The following CCSER2 variants were observed in gnomAD, a reference collection of about 807,000 sequenced individuals.
CCSER2 encodes coiled-coil serine rich protein 2.
A neutral mutation model predicts 92.3 loss-of-function variants in CCSER2; 46 were observed. The ratio of observed to expected loss-of-function variants is 0.50; its 90% CI spans 0.39 to 0.64. The LOEUF is 0.64. CCSER2 is among the 30% of genes least tolerant of loss of function. The probability of loss-of-function intolerance (pLI) is 0.00; values close to 1 mark genes in which losing one functional copy is unlikely to be tolerated. For missense variants in CCSER2, 1,244 were observed against 1,238.9 expected (o/e 1.00, Z -0.06); for synonymous variants, 433 against 431.4 (o/e 1.00, Z -0.04).
At chr10:84,437,987 G>A (rs997794968) in intron 5 of CCSER2, among the ~76,000 whole-genome samples, 2 of 151,806 alleles carry the variant, frequency 1.3e-5, no homozygotes, top group African/African-American at 4.8e-5. Context: ...AAAAGCTTAA[G>A]TAACCTTTAT....
At chr10:84,351,788 C>T (rs1174601913) in intron 1 of CCSER2, among the ~76,000 whole-genome samples, 1 of 152,188 alleles carries the variant, frequency 6.6e-6, no homozygotes. Flanking sequence ...TGCATTAAGA[C>T]TGTATTTCTT....
chr10:84,513,697 A>C lies in CCSER2; in HGVS notation c.2574A>C (p.Glu858Asp). The C allele has an allele frequency of 5.2e-6, 8 of 1,542,178 alleles. No homozygotes were observed. The highest frequency in any genetic ancestry group is 7.0e-6 in the Non-Finnish European group (8 of 1,148,558). The change falls in exon 10 of 10, where the codon GAA (glutamate) becomes GAC (aspartate). Residue 858 changes from glutamate to aspartate, a missense_variant. By Grantham distance (45) the Glu-to-Asp change is conservative. Coordinates refer to ENST00000372088, the MANE Select transcript of CCSER2 (RefSeq NM_001284240.2). ...TMDVAKSTPS[E>D]ANLNITVNAQ... Reference sequence around the variant, plus strand: ...ATGTGGCTAAGAGTACACCTTCTGAAGCAAACTTAAACATTACTGTAAATG... The same window carrying C: ...ATGTGGCTAAGAGTACACCTTCTGACGCAAACTTAAACATTACTGTAAATG...
chr10:84,341,529 G>A (rs150201097), intron 1 of CCSER2, among the ~76,000 whole-genome samples: 110 of 151,936 alleles, frequency 7.2e-4, no homozygotes, highest in Middle Eastern at 3.4e-3. Context: ...TTGTTTTGCT[G>A]GACACCAAGC....
At chr10:84,444,888 A>T (rs1459359217) in intron 6 of CCSER2, among the ~76,000 whole-genome samples, 1 of 152,200 alleles carries the variant, frequency 6.6e-6, no homozygotes, top group Non-Finnish European at 1.5e-5. Flanking sequence ...ACTCATCACA[A>T]CATCATTATG....
Position 84,471,995 on chromosome 10 carries a change from T to A in CCSER2, c.2235+1537T>A, listed in dbSNP as rs141560750. On this transcript the variant is annotated intron_variant, in intron 8 of 9. Transcript: ENST00000372088. Reference sequence around the variant, plus strand: ...AAAAATATACTTAGATAAATTATAATGTTTATGAAATGCTTTAAAGTAATT... The same window carrying A: ...AAAAATATACTTAGATAAATTATAAAGTTTATGAAATGCTTTAAAGTAATT... 3.9e-5 allele frequency among the ~76,000 whole-genome samples: 6 copies of A among 152,190 alleles called. No homozygotes were observed. The East Asian group carries it at 1.2e-3, about 29-fold the overall frequency.
intron 3 of CCSER2, among the ~76,000 whole-genome samples, chr10:84,386,641 C>A (rs1321911847): frequency 6.6e-6 from 1 of 152,182 alleles, no homozygotes; most frequent in Non-Finnish European, 1.5e-5. Context: ...ATCACTCGAA[C>A]CCAGGCAGAG....
rs188152652 is a variant in CCSER2 at position 84,354,997 on chromosome 10, T to C, written c.-39-16017T>C. On this transcript the variant is annotated intron_variant, in intron 1 of 9. Transcript: ENST00000372088. ...TGTTCTCATTTTGTGCCCATTATTG[T>C]GACAAAAATTCTTTAGATTTAATAT... Among the ~76,000 whole-genome samples, 189 of 152,216 alleles carry C rather than the reference T, an allele frequency of 1.2e-3. No individual in the cohort carries two copies. In the South Asian group the frequency reaches 0.013, roughly 10 times the overall value.
chr10:84,446,860 T>C (rs1844949898), intron 6 of CCSER2, among the ~76,000 whole-genome samples: 1 of 152,070 alleles, frequency 6.6e-6, no homozygotes. Flanking sequence ...TAAGTGAAAT[T>C]ATAATGTGAG....
At chr10:84,509,967 G>A (rs987127066) in intron 9 of CCSER2, among the ~76,000 whole-genome samples, 4 of 151,936 alleles carry the variant, frequency 2.6e-5, no homozygotes, top group East Asian at 1.9e-4. Context: ...TGACAATTTC[G>A]TCCCCACTGG....
intron 4 of CCSER2, among the ~76,000 whole-genome samples, chr10:84,423,333 T>G (rs902330665): frequency 3.9e-5 from 6 of 152,182 alleles, no homozygotes; most frequent in African/African-American, 1.4e-4. Context: ...CTTGTCTAAG[T>G]TTGAACATTA....
chr10:84,466,533 C>T (rs576248049), intron 7 of CCSER2, among the ~76,000 whole-genome samples: 28 of 143,926 alleles, frequency 1.9e-4, no homozygotes, highest in Non-Finnish European at 3.6e-4. Context: ...GAGACAAAGT[C>T]TCGCTCTGTT....
At position 84,371,689 on chromosome 10, in the gene CCSER2, A is replaced by G. The variant is rs146005806; in HGVS notation, c.637A>G (p.Ile213Val). 2.2e-5 allele frequency: 36 copies of G among 1,613,684 alleles called. No homozygotes were observed. The highest frequency in any genetic ancestry group is 2.5e-5 in the Non-Finnish European group (29 of 1,179,916). Residue 213 changes from isoleucine (I) to valine (V), a missense_variant, in exon 2 of 10, where the codon ATT (isoleucine) becomes GTT (valine). Physicochemically the swap from Ile to Val is conservative, Grantham distance 29. Transcript: ENST00000372088. ...LAQSPDSSKS[I>V]NCEKMVRSQS... ...TCAATCCCCAGACAGTAGTAAATCT[A>G]TTAATTGTGAAAAAATGGTAAGGTC...
In CCSER2 at chr10:84,504,297, C is replaced by CT. The variant is rs78289189; in HGVS notation, c.2326-9138dup. ...TTTTGTGTGTATAATCAAAGTAAAG[C>CT]TTTTTTTTTTTTTTGCAGAAATACT... On this transcript the variant is annotated intron_variant, in intron 9 of 9. Coordinates refer to ENST00000372088, the MANE Select transcript of CCSER2 (RefSeq NM_001284240.2). Among the ~76,000 whole-genome samples, 846 of 137,488 alleles carry CT rather than the reference C, an allele frequency of 6.2e-3. 1 individual carries two copies. The highest frequency in any genetic ancestry group is 0.012 in the African/African-American group (435 of 37,570). The allele number at this position is 137,488 out of a possible 152,430, so 90.2% of individuals were successfully genotyped here. A position where few individuals can be genotyped will look rare whatever the true frequency, so the allele number is the denominator to read the frequency against.
Position 84,372,394 on chromosome 10 carries a change from G to A in CCSER2, c.1342G>A (p.Asp448Asn). The part of the protein sequence containing the change: ...EEKHENGPPQ[D>N]MFDSPKENEK... Reference sequence around the variant, plus strand: ...GAAACATGAAAATGGGCCACCACAGGATATGTTTGATTCCCCCAAGGAAAA... The same window carrying A: ...GAAACATGAAAATGGGCCACCACAGAATATGTTTGATTCCCCCAAGGAAAA... Residue 448 changes from aspartate to asparagine, a missense_variant, in exon 2 of 10, where the codon GAT becomes AAT. Transcript: ENST00000372088. 1 of 1,606,900 alleles carries A rather than the reference G, an allele frequency of 6.2e-7. No homozygotes were observed. Among genetic ancestry groups the A allele is most frequent in the Non-Finnish European group, 8.5e-7 (1 of 1,178,088 alleles).
Position 84,371,421 on chromosome 10 carries a change from G to A in CCSER2, c.369G>A (p.Lys123=), listed in dbSNP as rs200781994. The A allele has an allele frequency of 9.9e-6, 16 of 1,613,526 alleles. No individual in the cohort carries two copies. In the South Asian group the frequency reaches 1.6e-4, roughly 17 times the overall value. Residue 123 remains lysine (K), a synonymous_variant, in exon 2 of 10, where the codon AAG becomes AAA. Coordinates refer to ENST00000372088, the MANE Select transcript of CCSER2 (RefSeq NM_001284240.2). ...GLKSVSLFTS[K]LAKPSTMFVS... Reference sequence around the variant, plus strand: ...AAAGTGTTTCTTTATTCACATCAAAGTTAGCAAAGCCATCCACTATGTTTG... The same window carrying A: ...AAAGTGTTTCTTTATTCACATCAAAATTAGCAAAGCCATCCACTATGTTTG...
At position 84,425,802 on chromosome 10, in the gene CCSER2, A is replaced by C; in HGVS notation, c.1777A>C (p.Lys593Gln). ...TCGGCAGCCTCAGGAAGGTTTTTGG[A>C]AAAGGCCACCCCAGAGGTGGAGTGG... ...NVRQPQEGFW[K>Q]RPPQRWSGQE... The change falls in exon 5 of 10, where the codon AAA becomes CAA. Residue 593 changes from lysine to glutamine, a missense_variant. Lys to Gln is a moderately conservative substitution (Grantham distance 53). Coordinates refer to ENST00000372088, the MANE Select transcript of CCSER2 (RefSeq NM_001284240.2). The C allele has an allele frequency of 6.2e-7, 1 of 1,612,316 alleles. No homozygotes were observed.
At chr10:84,504,829 G>T (rs772595074) in intron 9 of CCSER2, among the ~76,000 whole-genome samples, 16 of 152,128 alleles carry the variant, frequency 1.1e-4, no homozygotes, top group Non-Finnish European at 2.4e-4. Context: ...TAATAAGGAA[G>T]ATGCAAATAA....
chr10:84,359,437 A>G (rs1845380096), intron 1 of CCSER2, among the ~76,000 whole-genome samples: 2 of 152,216 alleles, frequency 1.3e-5, no homozygotes, highest in Admixed American at 1.3e-4. Flanking sequence ...GTGTATCAGA[A>G]TCACCTGGAA....
intron 3 of CCSER2, among the ~76,000 whole-genome samples, chr10:84,377,863 T>A (rs766523868): frequency 1.4e-4 from 22 of 152,208 alleles, no homozygotes; most frequent in Non-Finnish European, 3.2e-4. Context: ...TTTTTATAAT[T>A]TTATGAGTTT....
Sources: gnomAD v4.1 joint callset for allele counts (sites outside exome capture counted in the v4.1 genomes callset) on GRCh38, gnomAD v4.1.1 for gene constraint, MANE v1.5 for transcripts, NCBI Gene and HGNC (gene_info 2026-07-23, HGNC 2026-07-21) for gene names.